The following OR6A2 variants were observed in gnomAD, a reference collection of about 807,000 sequenced individuals.
The protein encoded by OR6A2 is olfactory receptor family 6 subfamily A member 2.
In OR6A2, 6 loss-of-function variants were observed where a neutral mutation model predicts 7.1. The observed-to-expected ratio is 0.85, with a 90% CI of 0.46 to 1.68. The LOEUF is 1.68. Ranked by LOEUF, OR6A2 falls within the 40% of genes most tolerant of loss-of-function variation. OR6A2 has a pLI of 0.01. For synonymous variants in OR6A2, 162 were observed against 152.1 expected (o/e 1.06, Z -0.48); for missense variants, 431 against 398.0 (o/e 1.08, Z -0.71).
At position 6,793,441 on chromosome 11, in the gene OR6A2, T is replaced by C. The variant is rs1344416855; in HGVS notation, c.*1284A>G. The C allele has an allele frequency of 6.6e-6, 1 of 152,138 alleles. No individual in the cohort carries two copies. Among genetic ancestry groups the C allele is most frequent in the Non-Finnish European group, 1.5e-5 (1 of 68,004 alleles). The allele number at this position is 152,138 out of a possible 1,614,324, so 9.4% of individuals were successfully genotyped here. On this transcript the variant is annotated 3_prime_UTR_variant, in exon 2 of 2. Transcript: ENST00000641196. ...GTCGGGTGACAGTAGGGAGCTAAAT[T>C]TCTGAAAATCATACTGACATACCCT...
Sources: allele counts gnomAD v4.1 joint callset, GRCh38; gene constraint gnomAD v4.1.1; transcripts MANE v1.5; gene names NCBI Gene and HGNC (gene_info 2026-07-23, HGNC 2026-07-21).